Variants in CNTNAP4 observed in about 807,000 individuals in gnomAD.
CNTNAP4 encodes contactin-associated protein-like 4.
In CNTNAP4, 98 loss-of-function variants were observed where a neutral mutation model predicts 148.4. That is an observed-to-expected ratio of 0.66 (90% confidence interval 0.56 to 0.78). CNTNAP4 has a LOEUF of 0.78. CNTNAP4 is among the 30% of genes least tolerant of loss of function. CNTNAP4 has a pLI of 0.00. For missense variants in CNTNAP4, 1,935 were observed against 1,565.6 expected, an observed-to-expected ratio of 1.24 and a Z score of -3.98; for synonymous variants, 730 against 565.1, an observed-to-expected ratio of 1.29 and a Z score of -4.14.
chr16:76,350,276 T>C (rs962325265), intron 2 of CNTNAP4, among the ~76,000 whole-genome samples: 1 of 152,164 alleles, frequency 6.6e-6, no homozygotes, highest in African/African-American at 2.4e-5. Flanking sequence ...ATAAGTAATT[T>C]CTCACCTGCA....
chr16:76,408,199 A>G (rs569290770), intron 3 of CNTNAP4, among the ~76,000 whole-genome samples: 39 of 152,260 alleles, frequency 2.6e-4, no homozygotes, highest in African/African-American at 9.1e-4. Context: ...AATTTATTGC[A>G]AAATATTCAC....
chr16:76,538,292 G>T lies in CNTNAP4; in HGVS notation c.3172G>T (p.Val1058Leu). ...ACGAACACCAAGCTTGCTGCTTTTT[G>T]TGAGCTCCTTTTACAAAGAATACCT... ...TTRTPSLLLF[V>L]SSFYKEYLSV... is the part of the protein sequence containing the mutation. The change falls in exon 19 of 24, where the codon GTG becomes TTG. Residue 1058 changes from valine (V) to leucine (L), a missense_variant. Physicochemically the swap from Val to Leu is conservative, Grantham distance 32. Coordinates refer to ENST00000611870, the MANE Select transcript of CNTNAP4 (RefSeq NM_033401.5). 1 of 1,607,250 alleles carries T rather than the reference G, an allele frequency of 6.2e-7. No individual in the cohort carries two copies. Among genetic ancestry groups the T allele is most frequent in the Non-Finnish European group, 8.5e-7 (1 of 1,177,570 alleles).
At chr16:76,470,630 A>G (rs751818578) in intron 10 of CNTNAP4, among the ~76,000 whole-genome samples, 1 of 151,394 alleles carries the variant, frequency 6.6e-6, no homozygotes, top group Non-Finnish European at 1.5e-5. Context: ...AGCCTGGGCA[A>G]CAAGAGTGAA....
At chr16:76,530,238 G>T (rs1017319191) in intron 17 of CNTNAP4, among the ~76,000 whole-genome samples, 2 of 151,828 alleles carry the variant, frequency 1.3e-5, no homozygotes, top group African/African-American at 2.4e-5. Flanking sequence ...TTTTTTATAT[G>T]CTAAAATGTA....
intron 17 of CNTNAP4, among the ~76,000 whole-genome samples, chr16:76,525,996 T>A (rs2083715117): frequency 6.6e-6 from 1 of 151,910 alleles, no homozygotes; most frequent in East Asian, 1.9e-4. Flanking sequence ...TGCATGTGTG[T>A]GCTCATATAT....
chr16:76,280,119 A>G (rs1958630883), intron 1 of CNTNAP4, among the ~76,000 whole-genome samples: 1 of 152,182 alleles, frequency 6.6e-6, no homozygotes, highest in African/African-American at 2.4e-5. Context: ...AAATAACTGA[A>G]TATAAATAAA....
intron 3 of CNTNAP4, among the ~76,000 whole-genome samples, chr16:76,419,429 A>G (rs566104224): frequency 5.3e-5 from 8 of 152,116 alleles, no homozygotes; most frequent in African/African-American, 9.6e-5. Context: ...TCTAATCTTC[A>G]TAGAATGCAT....
intron 1 of CNTNAP4, among the ~76,000 whole-genome samples, chr16:76,313,655 G>A (rs188964599): frequency 6.6e-6 from 1 of 152,258 alleles, no homozygotes; most frequent in Admixed American, 6.5e-5. Context: ...GTAAGAATAA[G>A]AAAAAGTAGA....
intron 1 of CNTNAP4, 108 bp from the exon 2 acceptor site, chr16:76,316,305 G>A (rs771391725): frequency 9.4e-6 from 7 of 747,206 alleles, no homozygotes; most frequent in Non-Finnish European, 1.7e-5. Flanking sequence ...AGAGATCTTA[G>A]ATCCTAGTTT....
chr16:76,523,122 A>G (rs1483280880), intron 17 of CNTNAP4, among the ~76,000 whole-genome samples: 3 of 151,832 alleles, frequency 2.0e-5, no homozygotes, highest in Non-Finnish European at 4.4e-5. Flanking sequence ...TTTATTTATT[A>G]TCTTATTGTT....
intron 3 of CNTNAP4, among the ~76,000 whole-genome samples, chr16:76,382,060 CAAAAAAAAAAAAAAA>C (rs67028367): frequency 7.1e-4 from 38 of 53,322 alleles, no homozygotes; most frequent in Non-Finnish European, 1.1e-3. Flanking sequence ...GACTCCGTCT[CAAAAAAAAAAAAAAA>C]AAAAAAAAAA....
intron 3 of CNTNAP4, among the ~76,000 whole-genome samples, chr16:76,375,283 G>C (rs568316000): frequency 2.6e-5 from 4 of 152,156 alleles, no homozygotes; most frequent in African/African-American, 9.6e-5. Context: ...TCAGCCAGGC[G>C]TGGTGGCATG....
chr16:76,422,130 G>C (rs1028100891), intron 3 of CNTNAP4, among the ~76,000 whole-genome samples: 1 of 152,022 alleles, frequency 6.6e-6, no homozygotes, highest in East Asian at 1.9e-4. Context: ...AAATTTTCTT[G>C]GTTAAAATAC....
chr16:76,324,015 T>C (rs1420500085), intron 2 of CNTNAP4, among the ~76,000 whole-genome samples: 1 of 152,216 alleles, frequency 6.6e-6, no homozygotes, highest in East Asian at 1.9e-4. Context: ...CTACTGGCAA[T>C]GTAGCTATCT....
intron 1 of CNTNAP4, among the ~76,000 whole-genome samples, chr16:76,294,845 A>G (rs1024276157): frequency 6.6e-6 from 1 of 152,190 alleles, no homozygotes; most frequent in Non-Finnish European, 1.5e-5. Context: ...TATGGTCTCA[A>G]TCTGTAAATT....
At chr16:76,343,231 G>T (rs1439320933) in intron 2 of CNTNAP4, among the ~76,000 whole-genome samples, 1 of 151,960 alleles carries the variant, frequency 6.6e-6, no homozygotes, top group East Asian at 1.9e-4. Context: ...ACTGTGATAG[G>T]TGGCCTGACA....
At chr16:76,516,829 C>A (rs890006418) in intron 15 of CNTNAP4, among the ~76,000 whole-genome samples, 1 of 152,072 alleles carries the variant, frequency 6.6e-6, no homozygotes, top group Non-Finnish European at 1.5e-5. Context: ...TTTGGGAGGC[C>A]AAGGTGGGTG....
intron 3 of CNTNAP4, among the ~76,000 whole-genome samples, chr16:76,395,375 C>G (rs182457641): frequency 6.6e-6 from 1 of 151,594 alleles, no homozygotes; most frequent in Non-Finnish European, 1.5e-5. Flanking sequence ...AAGCAATTCT[C>G]CTGCCTCAGC....
rs2081213867 is a variant in CNTNAP4, at chr16:76,467,439, A to C, written c.1571A>C (p.Lys524Thr). ...GCMRLISISG[K>T]VVDLISVQQG... Reference sequence around the variant, plus strand: ...ATGAGGCTCATTTCTATCAGCGGCAAAGTGGTAGATCTGATTTCAGTTCAG... The same window carrying C: ...ATGAGGCTCATTTCTATCAGCGGCACAGTGGTAGATCTGATTTCAGTTCAG... The change falls in exon 10 of 24, where the codon AAA (lysine) becomes ACA (threonine). Residue 524 changes from lysine (K) to threonine (T), a missense_variant. By Grantham distance (78) the Lys-to-Thr change is moderately conservative. Coordinates refer to ENST00000611870, the MANE Select transcript of CNTNAP4 (RefSeq NM_033401.5). 1 of 1,613,834 alleles carries C rather than the reference A, an allele frequency of 6.2e-7. No homozygotes were observed. The highest frequency in any genetic ancestry group is 2.2e-5 in the East Asian group (1 of 44,866).
Sources: allele counts gnomAD v4.1 joint callset (sites outside exome capture counted in the v4.1 genomes callset), GRCh38; gene constraint gnomAD v4.1.1; transcripts MANE v1.5; gene names NCBI Gene and HGNC (gene_info 2026-07-23, HGNC 2026-07-21).